Variants in GPHN observed in about 807,000 individuals in gnomAD.
The protein encoded by GPHN is gephyrin.
GPHN carries 17 observed loss-of-function variants against 95.5 expected under a neutral mutation model. That is an observed-to-expected ratio of 0.18 (90% CI 0.12 to 0.27). The LOEUF (loss-of-function observed/expected upper bound fraction) is 0.27. Among genes scored for constraint, GPHN ranks in the 10% least tolerant of loss-of-function variants. The probability of loss-of-function intolerance (pLI) is 1.00; values close to 1 mark genes in which losing one functional copy is unlikely to be tolerated. For missense variants in GPHN, 660 were observed against 978.1 expected (o/e 0.67, Z 4.34); for synonymous variants, 320 against 322.5 (o/e 0.99, Z 0.08).
At chr14:66,750,110 T>G (rs1368076584) in intron 2 of GPHN, among the ~76,000 whole-genome samples, 1 of 151,932 alleles carries the variant, frequency 6.6e-6, no homozygotes, top group Non-Finnish European at 1.5e-5. Flanking sequence ...AACCTACTGT[T>G]TCTTTCTTCC....
chr14:67,289,141 A>ATT, the GPHN span, among the ~76,000 whole-genome samples: 2 of 150,744 alleles, frequency 1.3e-5, no homozygotes, highest in Non-Finnish European at 3.0e-5. Context: ...TAATTTTTGC[A>ATT]TTTTTTTGTA....
At chr14:67,685,222 G>T in the GPHN span, 1 of 1,604,542 alleles carries the variant, frequency 6.2e-7, no homozygotes, top group Admixed American at 1.7e-5. Flanking sequence ...GGGGTGGCAT[G>T]AAGAGAGGGT....
the GPHN span, among the ~76,000 whole-genome samples, chr14:67,341,138 G>A: frequency 3.2e-4 from 49 of 151,754 alleles, no homozygotes; most frequent in African/African-American, 9.2e-4. Flanking sequence ...GCCGCCCATC[G>A]TCTGGGATGT....
chr14:67,001,036 G>A (rs72730437), intron 9 of GPHN, among the ~76,000 whole-genome samples: 6,658 of 151,310 alleles, frequency 0.044, 188 homozygotes, highest in Middle Eastern at 0.068. Context: ...GTGAAAATAG[G>A]GCAAGAAAAA....
chr14:67,604,960 G>A, the GPHN span, among the ~76,000 whole-genome samples: 1 of 152,058 alleles, frequency 6.6e-6, no homozygotes, highest in Non-Finnish European at 1.5e-5. Context: ...ATGTTCTGTT[G>A]TTCTATTTTG....
the GPHN span, among the ~76,000 whole-genome samples, chr14:67,296,762 TC>T: frequency 6.6e-6 from 1 of 152,042 alleles, no homozygotes; most frequent in East Asian, 1.9e-4. Flanking sequence ...TGAGACAGAG[TC>T]TTGCTCTGTC....
chr14:67,191,568 T>C, the GPHN span, among the ~76,000 whole-genome samples: 2 of 152,284 alleles, frequency 1.3e-5, no homozygotes, highest in Non-Finnish European at 2.9e-5. Flanking sequence ...TCCAGATGAC[T>C]GCATTTATCC....
At chr14:67,239,342 C>T in the GPHN span, among the ~76,000 whole-genome samples, 1 of 152,102 alleles carries the variant, frequency 6.6e-6, no homozygotes, top group Non-Finnish European at 1.5e-5. Flanking sequence ...TGTCTGGAGA[C>T]ATTTTTGATT....
At position 66,565,047 on chromosome 14, in the gene GPHN, A is replaced by G. The variant is rs946846422; in HGVS notation, c.64+56456A>G. Among the ~76,000 whole-genome samples the G allele has an allele frequency of 6.6e-5, 10 of 152,084 alleles. 1 individual carries two copies. The highest frequency in any genetic ancestry group is 4.2e-4 in the South Asian group (2 of 4,818). On this transcript the variant is annotated intron_variant, in intron 1 of 22. Coordinates refer to ENST00000478722, the MANE Select transcript of GPHN (RefSeq NM_020806.5). ...TTCAGTGAGTTTCCACCAAGCTATG[A>G]TACTGATGCACTTCCTCCTAAAAAT... is the stretch of plus-strand genomic sequence containing the variant.
At chr14:66,827,956 A>G (rs2061441827) in intron 4 of GPHN, among the ~76,000 whole-genome samples, 1 of 152,004 alleles carries the variant, frequency 6.6e-6, no homozygotes, top group Admixed American at 6.6e-5. Flanking sequence ...GTTATTTGAA[A>G]ACTATTGAGG....
At chr14:67,361,634 G>T in the GPHN span, among the ~76,000 whole-genome samples, 1 of 152,196 alleles carries the variant, frequency 6.6e-6, no homozygotes, top group Non-Finnish European at 1.5e-5. Context: ...TGAGAAAGAA[G>T]TCCTACCTAC....
chr14:66,672,684 C>A (rs546736678), intron 1 of GPHN, among the ~76,000 whole-genome samples: 8 of 152,264 alleles, frequency 5.3e-5, no homozygotes, highest in Non-Finnish European at 1.2e-4. Flanking sequence ...GAAAACTTTT[C>A]TTGCTTTGAA....
At chr14:66,967,425 A>G (rs2069417246) in intron 9 of GPHN, among the ~76,000 whole-genome samples, 1 of 151,976 alleles carries the variant, frequency 6.6e-6, no homozygotes, top group South Asian at 2.1e-4. Flanking sequence ...GTGCTTTAAT[A>G]TCAGTGACAA....
chr14:67,147,955 C>T (rs2080994840), intron 18 of GPHN, among the ~76,000 whole-genome samples: 2 of 152,020 alleles, frequency 1.3e-5, no homozygotes, highest in South Asian at 4.1e-4. Flanking sequence ...TCTAGAGGCC[C>T]TCTAGGAAAT....
chr14:66,861,438 T>C (rs1053612721), intron 4 of GPHN, among the ~76,000 whole-genome samples: 13 of 152,042 alleles, frequency 8.6e-5, no homozygotes, highest in Non-Finnish European at 1.6e-4. Context: ...AGGCAGATCA[T>C]GCAGACAGAA....
At chr14:66,706,276 A>G (rs953050670) in intron 2 of GPHN, among the ~76,000 whole-genome samples, 5 of 152,184 alleles carry the variant, frequency 3.3e-5, no homozygotes, top group African/African-American at 9.6e-5. Flanking sequence ...CCATCAAACT[A>G]CCATTGACAT....
intron 1 of GPHN, among the ~76,000 whole-genome samples, chr14:66,522,366 G>C (rs1269988043): frequency 6.6e-6 from 1 of 152,012 alleles, no homozygotes; most frequent in East Asian, 1.9e-4. Context: ...ACACTTGTCC[G>C]GGAGATGTTA....
At chr14:67,406,974 A>G in the GPHN span, among the ~76,000 whole-genome samples, 1 of 152,160 alleles carries the variant, frequency 6.6e-6, no homozygotes. Flanking sequence ...GGCCAGCTGA[A>G]GCAGGGGGTG....
chr14:66,983,869 A>G (rs2070846896), intron 9 of GPHN, among the ~76,000 whole-genome samples: 1 of 152,186 alleles, frequency 6.6e-6, no homozygotes, highest in Admixed American at 6.5e-5. Flanking sequence ...ATACATACAC[A>G]TTCTGTTATA....
Sources: gnomAD v4.1 joint callset for allele counts (sites outside exome capture counted in the v4.1 genomes callset) on GRCh38, gnomAD v4.1.1 for gene constraint, MANE v1.5 for transcripts, NCBI Gene and HGNC (gene_info 2026-07-23, HGNC 2026-07-21) for gene names.